The following C5orf47 variants were observed in gnomAD, a reference collection of about 807,000 sequenced individuals.
The protein encoded by C5orf47 is uncharacterized protein C5orf47.
In C5orf47, 20 loss-of-function variants were observed where a neutral mutation model predicts 20.6. The ratio of observed to expected loss-of-function variants is 0.97; its 90% confidence interval spans 0.68 to 1.41. C5orf47 has a LOEUF of 1.41. Ranked by LOEUF, C5orf47 falls within the 40% of genes most tolerant of loss-of-function variation. The probability of loss-of-function intolerance (pLI) is 0.00; values close to 1 mark genes in which losing one functional copy is unlikely to be tolerated. For missense variants in C5orf47, 262 were observed against 238.4 expected (o/e 1.10, Z -0.65); for synonymous variants, 106 against 97.3 (o/e 1.09, Z -0.53).
intron 1 of C5orf47, among the ~76,000 whole-genome samples, chr5:173,990,051 AT>A (rs1561645632): frequency 6.6e-6 from 1 of 151,964 alleles, no homozygotes; most frequent in African/African-American, 2.4e-5. Flanking sequence ...TAAATATTTA[AT>A]CTTCTTTGCT....
At chr5:173,992,168 C>T (rs1336823217) in intron 1 of C5orf47, among the ~76,000 whole-genome samples, 2 of 150,542 alleles carry the variant, frequency 1.3e-5, no homozygotes, top group Non-Finnish European at 3.0e-5. Flanking sequence ...ATTTCTTTTC[C>T]TATATATATG....
chr5:173,989,238 C>G lies in C5orf47; in HGVS notation c.-26C>G. 3 of 1,372,166 alleles carry G rather than the reference C, an allele frequency of 2.2e-6. No individual in the cohort carries two copies. Among genetic ancestry groups the G allele is most frequent in the Non-Finnish European group, 2.8e-6 (3 of 1,062,964 alleles). 85.0% of individuals were successfully genotyped at this position (1,372,166 alleles called of 1,614,324 possible). ...CCTGTGGCGTCGTGTTTGCTGAGGG[C>G]CCGGCTGCCGTTGACTGAGGCTGCG... On this transcript the variant is annotated 5_prime_UTR_variant, in exon 1 of 5. Coordinates refer to ENST00000340147, the MANE Select transcript of C5orf47 (RefSeq NM_001144954.2).
chr5:173,995,265 C>T (rs1046450243), intron 1 of C5orf47, among the ~76,000 whole-genome samples: 1 of 152,194 alleles, frequency 6.6e-6, no homozygotes, highest in African/African-American at 2.4e-5. Context: ...AAGTAGTCTG[C>T]TCTCGAGGGA....
rs980879839 is a variant in C5orf47, at chr5:173,989,180, G to A, written c.-84G>A. 65 of 1,175,066 alleles carry A rather than the reference G, an allele frequency of 5.5e-5. No homozygotes were observed. The East Asian group carries it at 2.8e-3, about 50-fold the overall frequency. 72.8% of individuals were successfully genotyped at this position (1,175,066 alleles called of 1,614,324 possible). On this transcript the variant is annotated 5_prime_UTR_variant, in exon 1 of 5. Coordinates refer to ENST00000340147, the MANE Select transcript of C5orf47 (RefSeq NM_001144954.2). The stretch of plus-strand genomic sequence containing the variant: ...GGGTGGTCTGGCCCTAACCGCTCCC[G>A]CATCCCTCGCCTGCACAGTGGGCAG...
Position 173,989,595 on chromosome 5 carries a change from C to CA in C5orf47, c.325+8dup. On this transcript the variant is annotated splice_region_variant and intron_variant, in intron 1 of 4. Transcript: ENST00000340147. ...AGACAGTCGGCGCGTGCAGGTGGTG[C>CA]AGCGGGGCAGGGCGGGACCGGGCGC... The CA allele has an allele frequency of 7.0e-7, 1 of 1,431,280 alleles. No individual in the cohort carries two copies. Among genetic ancestry groups the CA allele is most frequent in the Non-Finnish European group, 9.1e-7 (1 of 1,094,006 alleles). 88.7% of individuals were successfully genotyped at this position (1,431,280 alleles called of 1,614,324 possible).
At position 173,989,173 on chromosome 5, in the gene C5orf47, C is replaced by T. The variant is rs1487386243; in HGVS notation, c.-91C>T. 81 of 1,205,020 alleles carry T rather than the reference C, an allele frequency of 6.7e-5. No homozygotes were observed. The highest frequency in any genetic ancestry group is 2.3e-4 in the Middle Eastern group (1 of 4,410). 74.6% of individuals were successfully genotyped at this position (1,205,020 alleles called of 1,614,324 possible). On this transcript the variant is annotated 5_prime_UTR_variant, in exon 1 of 5. Transcript: ENST00000340147. ...CCCCGCAGGGTGGTCTGGCCCTAAC[C>T]GCTCCCGCATCCCTCGCCTGCACAG...
downstream of C5orf47, among the ~76,000 whole-genome samples, chr5:174,008,705 G>A (rs569595150): frequency 2.0e-5 from 3 of 151,496 alleles, no homozygotes; most frequent in South Asian, 4.2e-4. Flanking sequence ...GGTGGCGGGC[G>A]CCTGTAAGTC....
chr5:174,008,822 C>CA (rs57488841), downstream of C5orf47, among the ~76,000 whole-genome samples: 5,775 of 74,996 alleles, frequency 0.077, 167 homozygotes, highest in East Asian at 0.18. Context: ...GACTCCATCT[C>CA]AAAAAAAAAA....
At chr5:173,993,514 G>A (rs114654946) in intron 1 of C5orf47, among the ~76,000 whole-genome samples, 2,595 of 152,178 alleles carry the variant, frequency 0.017, 28 homozygotes, top group South Asian at 0.025. Context: ...GGTGGTGCGC[G>A]CCTGCTGTAA....
Position 174,005,722 on chromosome 5 carries a change from A to G in C5orf47, c.*1468A>G, listed in dbSNP as rs1439398170. ...TTATGCTGCATAAAGTTTTGTAGTGAATGTGTATGAGAGTTTTAGGTTTGC... is the reference window on the plus strand; with the variant it reads ...TTATGCTGCATAAAGTTTTGTAGTGGATGTGTATGAGAGTTTTAGGTTTGC... On this transcript the variant is annotated 3_prime_UTR_variant, in exon 5 of 5. Transcript: ENST00000340147. 6.6e-6 allele frequency: 1 copy of G among 152,354 alleles called. No individual in the cohort carries two copies. Among genetic ancestry groups the G allele is most frequent in the Non-Finnish European group, 1.5e-5 (1 of 68,026 alleles). 9.4% of individuals were successfully genotyped at this position (152,354 alleles called of 1,614,324 possible).
At chr5:174,000,223 T>C (rs555264646) in intron 3 of C5orf47, among the ~76,000 whole-genome samples, 1 of 152,106 alleles carries the variant, frequency 6.6e-6, no homozygotes, top group South Asian at 2.1e-4. Flanking sequence ...ACATTCCTAC[T>C]TAATGCATTT....
At chr5:173,998,086 T>C in intron 1 of C5orf47, 67 bp from the exon 2 acceptor site, 1 of 910,748 alleles carries the variant, frequency 1.1e-6, no homozygotes, top group Non-Finnish European at 1.7e-6. Context: ...AACATTTATA[T>C]GGTCTCTATT....
At position 173,989,646 on chromosome 5, in the gene C5orf47, G is replaced by A. The variant is rs965009275; in HGVS notation, c.325+58G>A. ...GGCGGGGCGGGACGGGGCGGAGCGG[G>A]CTCAGCTGCTGGGCGCCATCTTGCG... On this transcript the variant is annotated intron_variant, in intron 1 of 4. Coordinates refer to ENST00000340147, the MANE Select transcript of C5orf47 (RefSeq NM_001144954.2). 26 of 1,306,668 alleles carry A rather than the reference G, an allele frequency of 2.0e-5. No homozygotes were observed. The African/African-American group carries it at 2.7e-4, about 13-fold the overall frequency. 80.9% of individuals were successfully genotyped at this position (1,306,668 alleles called of 1,614,324 possible). A position where few individuals can be genotyped will look rare whatever the true frequency, so the allele number is the denominator to read the frequency against.
Position 173,989,414 on chromosome 5 carries a change from C to T in C5orf47, c.151C>T (p.Gln51Ter). 6.5e-7 allele frequency: 1 copy of T among 1,547,642 alleles called. No homozygotes were observed. The highest frequency in any genetic ancestry group is 8.7e-7 in the Non-Finnish European group (1 of 1,145,138). Residue 51 changes from glutamine to a stop codon, truncating the protein, a stop_gained, in exon 1 of 5, where the codon CAG becomes TAG. Transcript: ENST00000340147. LOFTEE classifies it high-confidence loss of function. ...WGQGPGAGCRQEKPREAMAVA... is the reference protein window; with the variant it reads ...WGQGPGAGCR ...TCAGGGGCCTGGGGCAGGCTGTCGC[C>T]AGGAGAAGCCGAGGGAAGCAATGGC... is the stretch of plus-strand genomic sequence containing the variant.
At position 174,005,446 on chromosome 5, in the gene C5orf47, A is replaced by G. The variant is rs1454432773; in HGVS notation, c.*1192A>G. ...CTACGACAGTGTAGAATTTGTGGTA[A>G]CATGATCTTCTAGTGACTATTTATC... is the stretch of plus-strand genomic sequence containing the variant. On this transcript the variant is annotated 3_prime_UTR_variant, in exon 5 of 5. Coordinates refer to ENST00000340147, the MANE Select transcript of C5orf47 (RefSeq NM_001144954.2). 6.6e-6 allele frequency: 1 copy of G among 152,356 alleles called. No homozygotes were observed. Among genetic ancestry groups the G allele is most frequent in the Admixed American group, 6.5e-5 (1 of 15,280 alleles). The allele number at this position is 152,356 out of a possible 1,614,324, so 9.4% of individuals were successfully genotyped here. A position where few individuals can be genotyped will look rare whatever the true frequency, so the allele number is the denominator to read the frequency against.
At chr5:173,996,625 ATATAT>A (rs1465502391) in intron 1 of C5orf47, among the ~76,000 whole-genome samples, 1 of 152,202 alleles carries the variant, frequency 6.6e-6, no homozygotes, top group East Asian at 1.9e-4. Context: ...ACTATTATTA[ATATAT>A]TTATTTAAAT....
chr5:173,992,787 C>T (rs1383889284), intron 1 of C5orf47, among the ~76,000 whole-genome samples: 2 of 152,116 alleles, frequency 1.3e-5, no homozygotes, highest in African/African-American at 4.8e-5. Flanking sequence ...CTAGTAAACT[C>T]TAGGTTTATT....
At chr5:174,001,627 C>CTACT (rs961895284) in intron 4 of C5orf47, among the ~76,000 whole-genome samples, 14 of 152,072 alleles carry the variant, frequency 9.2e-5, no homozygotes, top group Non-Finnish European at 2.1e-4. Flanking sequence ...TGCTATCTTA[C>CTACT]TACTGCTCCT....
At chr5:173,999,591 G>A (rs533102419) in intron 2 of C5orf47, 109 bp from the exon 3 acceptor site, 1 of 488,546 alleles carries the variant, frequency 2.0e-6, no homozygotes, top group Non-Finnish European at 3.7e-6. Flanking sequence ...GCCTTATAAT[G>A]ATGATATCAA....
Sources: gnomAD v4.1 joint callset for allele counts (sites outside exome capture counted in the v4.1 genomes callset) on GRCh38, gnomAD v4.1.1 for gene constraint, MANE v1.5 for transcripts, NCBI Gene and HGNC (gene_info 2026-07-23, HGNC 2026-07-21) for gene names.